DOP1B: variants seen among roughly 807,000 people sequenced by gnomAD.
DOP1B encodes the protein DOP1 leucine zipper like protein B.
In DOP1B, 174 loss-of-function variants were observed where a neutral mutation model predicts 233.5. The observed-to-expected ratio is 0.75, with a 90% confidence interval of 0.66 to 0.85. The LOEUF (loss-of-function observed/expected upper bound fraction) is 0.85, where lower values mean the gene tolerates loss of function less well. Among genes scored for constraint, DOP1B ranks in the 40% least tolerant of loss-of-function variants. The pLI is 0.00. For synonymous variants in DOP1B, 1,190 were observed against 1,185.6 expected, an observed-to-expected ratio of 1.00 and a Z score of -0.08; for missense variants, 2,652 against 2,846.6, an observed-to-expected ratio of 0.93 and a Z score of 1.56.
At chr21:36,165,079 A>G (rs1409385400) in intron 2 of DOP1B, among the ~76,000 whole-genome samples, 1 of 152,148 alleles carries the variant, frequency 6.6e-6, no homozygotes, top group African/African-American at 2.4e-5. Flanking sequence ...AGAAAAGAAA[A>G]AAACCACTCA....
At position 36,281,497 on chromosome 21, in the gene DOP1B, T is replaced by G. The variant is rs766982010; in HGVS notation, c.6046T>G (p.Ser2016Ala). Residue 2016 changes from serine (S) to alanine (A), a missense_variant, in exon 32 of 37, where the codon TCT (serine) becomes GCT (alanine). Physicochemically the swap from Ser to Ala is moderately conservative, Grantham distance 99. This residue lies in a region of DOP1B where 2,617 missense variants were observed against 2,794.3 expected (regional missense o/e 0.94). Transcript: ENST00000691173. ...ATTTATTCTAGACATGCAGAGCAGT[T>G]CTTTGAAACTATTCTCAAGTTTTGA... ...FKDLMNMQSS[S>A]LKLFSSFEQK... 2 of 1,604,020 alleles carry G rather than the reference T, an allele frequency of 1.2e-6. No homozygotes were observed. The highest frequency in any genetic ancestry group is 2.2e-5 in the South Asian group (2 of 90,638).
intron 27 of DOP1B, among the ~76,000 whole-genome samples, chr21:36,272,466 T>C (rs565133716): frequency 5.4e-4 from 79 of 146,444 alleles, no homozygotes; most frequent in Admixed American, 1.3e-3. Flanking sequence ...CCTGGCCAAC[T>C]TGGCGAAACT....
chr21:36,214,350 G>C, intron 8 of DOP1B, 92 bp from the exon 9 acceptor site: 1 of 1,395,290 alleles, frequency 7.2e-7, no homozygotes, highest in Non-Finnish European at 9.8e-7. Context: ...TTTTCCTTCT[G>C]TCCCAGAGTA....
chr21:36,253,196 C>T (rs369234441), intron 22 of DOP1B, among the ~76,000 whole-genome samples: 1 of 152,174 alleles, frequency 6.6e-6, no homozygotes, highest in East Asian at 1.9e-4. Context: ...CAAATGGGAG[C>T]CTGGTTTATC....
At chr21:36,193,203 C>T (rs377548776) in intron 2 of DOP1B, among the ~76,000 whole-genome samples, 58 of 152,200 alleles carry the variant, frequency 3.8e-4, no homozygotes, top group African/African-American at 1.4e-3. Flanking sequence ...GAGAGATTAA[C>T]GAGAGAAAAG....
chr21:36,252,762 G>A (rs12106427), intron 22 of DOP1B, among the ~76,000 whole-genome samples: 1,967 of 152,110 alleles, frequency 0.013, 36 homozygotes, highest in African/African-American at 0.046. Flanking sequence ...CGCCTGCCTC[G>A]GCCTCCCAAG....
chr21:36,236,822 G>T (rs1601436215), intron 15 of DOP1B, among the ~76,000 whole-genome samples: 1 of 145,194 alleles, frequency 6.9e-6, no homozygotes. Context: ...TATTGCCCAG[G>T]CTGGAGTGTA....
intron 10 of DOP1B, among the ~76,000 whole-genome samples, chr21:36,220,849 C>T (rs2066615604): frequency 6.6e-6 from 1 of 151,952 alleles, no homozygotes; most frequent in Admixed American, 6.6e-5. Flanking sequence ...CTCACTCTGT[C>T]TCCCAGGCTA....
intron 2 of DOP1B, among the ~76,000 whole-genome samples, chr21:36,192,757 G>A (rs146953054): frequency 0.022 from 3,339 of 150,650 alleles, 86 homozygotes; most frequent in African/African-American, 0.073. Context: ...GCACGATCTC[G>A]GCTCACTGCA....
At chr21:36,258,716 C>T (rs538157726) in intron 23 of DOP1B, among the ~76,000 whole-genome samples, 47 of 152,228 alleles carry the variant, frequency 3.1e-4, no homozygotes, top group East Asian at 1.4e-3. Flanking sequence ...TGAGTGGTGT[C>T]GTGGAGGCTA....
intron 35 of DOP1B, among the ~76,000 whole-genome samples, chr21:36,291,187 G>A (rs1001898018): frequency 2.0e-5 from 3 of 151,078 alleles, no homozygotes; most frequent in Middle Eastern, 3.4e-3. Flanking sequence ...GCTTGAAACC[G>A]AAGGCGGAGG....
chr21:36,273,681 C>T (rs568780859), intron 27 of DOP1B, among the ~76,000 whole-genome samples: 12 of 152,164 alleles, frequency 7.9e-5, no homozygotes, highest in African/African-American at 1.4e-4. Flanking sequence ...TTAGACCCAG[C>T]GACCTGAAGA....
chr21:36,227,888 T>C lies in DOP1B; in HGVS notation c.1665+11T>C, dbSNP rs1372470463. 7.0e-6 allele frequency: 11 copies of C among 1,570,128 alleles called. No individual in the cohort carries two copies. The highest frequency in any genetic ancestry group is 2.3e-5 in the East Asian group (1 of 44,082). On this transcript the variant is annotated intron_variant, in intron 13 of 36. Coordinates refer to ENST00000691173, the MANE Select transcript of DOP1B (RefSeq NM_001320714.2). ...ACCAGCGGAACCTCGGTGTGTACTC[T>C]GAGGGGCAGAAATGGTTCTGGGGGC...
chr21:36,202,653 C>T (rs1004339423), intron 4 of DOP1B, among the ~76,000 whole-genome samples: 3 of 152,210 alleles, frequency 2.0e-5, no homozygotes, highest in African/African-American at 7.2e-5. Flanking sequence ...AAACATTGCA[C>T]TTTAACCATT....
At chr21:36,252,753 G>A (rs866847307) in intron 22 of DOP1B, among the ~76,000 whole-genome samples, 9 of 152,128 alleles carry the variant, frequency 5.9e-5, no homozygotes, top group African/African-American at 1.9e-4. Context: ...CTCGTGATCC[G>A]CCTGCCTCGG....
Position 36,230,819 on chromosome 21 carries a change from A to G in DOP1B, c.2035A>G (p.Lys679Glu), listed in dbSNP as rs925748087. 1.2e-6 allele frequency: 2 copies of G among 1,614,034 alleles called. No individual in the cohort carries two copies. Among genetic ancestry groups the G allele is most frequent in the African/African-American group, 2.7e-5 (2 of 74,918 alleles). Reference sequence around the variant, plus strand: ...CCTGGCAGCCAATGATTCCAGCAGGAAGAACTCTTGGGAGCCCAAGCCCAT... The same window carrying G: ...CCTGGCAGCCAATGATTCCAGCAGGGAGAACTCTTGGGAGCCCAAGCCCAT... Reference protein sequence around the residue: ...QSLAANDSSRKNSWEPKPITV... With the variant: ...QSLAANDSSRENSWEPKPITV... The change falls in exon 14 of 37, where the codon AAG becomes GAG. Residue 679 changes from lysine to glutamate, a missense_variant. By Grantham distance (56) the Lys-to-Glu change is moderately conservative (BLOSUM62 1). Transcript: ENST00000691173.
chr21:36,186,939 T>C (rs1376438748), intron 2 of DOP1B, among the ~76,000 whole-genome samples: 1 of 151,852 alleles, frequency 6.6e-6, no homozygotes, highest in Non-Finnish European at 1.5e-5. Context: ...CTGTCACAGT[T>C]CCCCTCCCAT....
chr21:36,167,744 T>C, intron 2 of DOP1B, among the ~76,000 whole-genome samples: 1 of 151,390 alleles, frequency 6.6e-6, no homozygotes, highest in East Asian at 1.9e-4. Flanking sequence ...CGAATCTACT[T>C]TCCCTCTCTA....
In DOP1B at chr21:36,232,608, A is replaced by G. The variant is rs546365096; in HGVS notation, c.2351-196A>G. Among the ~76,000 whole-genome samples the G allele has an allele frequency of 3.9e-5, 6 of 152,178 alleles. No homozygotes were observed. The East Asian group carries it at 9.7e-4, about 24-fold the overall frequency. On this transcript the variant is annotated intron_variant, in intron 14 of 36. Transcript: ENST00000691173. ...TATTGGATTAGGGCCCACCCTAACA[A>G]CCTCATCTTAATTTGATTACCTCTG...
Sources: allele counts gnomAD v4.1 joint callset (sites outside exome capture counted in the v4.1 genomes callset), GRCh38; gene constraint gnomAD v4.1.1; regional missense constraint gnomAD v4.1.1; transcripts MANE v1.5; gene names NCBI Gene and HGNC (gene_info 2026-07-23, HGNC 2026-07-21).